DHX9: variants seen among roughly 807,000 people sequenced by gnomAD.
DHX9 encodes the protein DExH-box helicase 9, also known as ATP-dependent RNA helicase A.
DHX9 carries 27 observed loss-of-function variants against 148.7 expected under a neutral mutation model. That is an observed-to-expected ratio of 0.18 (90% CI 0.13 to 0.25). The LOEUF is 0.25. DHX9 is among the 10% of genes least tolerant of loss of function. DHX9 has a pLI of 1.00. For missense variants in DHX9, 796 were observed against 1,559.6 expected (o/e 0.51, Z 8.25); for synonymous variants, 529 against 516.6 (o/e 1.02, Z -0.33).
chr1:182,863,365 G>C (rs762751326), intron 12 of DHX9, among the ~76,000 whole-genome samples: 20 of 152,122 alleles, frequency 1.3e-4, no homozygotes, highest in African/African-American at 3.9e-4. Context: ...GATTTTACTA[G>C]TATTCTGAAG....
intron 19 of DHX9, 103 bp downstream of exon 19, chr1:182,877,006 C>A: frequency 1.4e-6 from 1 of 716,288 alleles, no homozygotes; most frequent in Non-Finnish European, 2.4e-6. Flanking sequence ...CTCCTGTGTT[C>A]TTAAATCTCC....
chr1:182,859,537 C>T (rs913147269), intron 11 of DHX9, among the ~76,000 whole-genome samples: 2 of 151,964 alleles, frequency 1.3e-5, no homozygotes, highest in Non-Finnish European at 2.9e-5. Context: ...TATACACATT[C>T]TTTTTTGAAA....
At position 182,856,564 on chromosome 1, in the gene DHX9, A is replaced by G; in HGVS notation, c.659A>G (p.Lys220Arg). 2 of 1,614,056 alleles carry G rather than the reference A, an allele frequency of 1.2e-6. No individual in the cohort carries two copies. The highest frequency in any genetic ancestry group is 1.7e-6 in the Non-Finnish European group (2 of 1,179,940). The change falls in exon 7 of 28, where the codon AAG (lysine) becomes AGG (arginine). Residue 220 changes from lysine (K) to arginine (R), a missense_variant. Coordinates refer to ENST00000367549, the MANE Select transcript of DHX9 (RefSeq NM_001357.5). ...ATTGCAGAAATGACCATTTATATCAAGCAGCTGGGCAGAAGTAAGTGTTAC... is the reference window on the plus strand; with the variant it reads ...ATTGCAGAAATGACCATTTATATCAGGCAGCTGGGCAGAAGTAAGTGTTAC... ...SFIAEMTIYI[K>R]QLGRRIFARE...
chr1:182,865,526 GT>G (rs1648256996), intron 12 of DHX9, among the ~76,000 whole-genome samples: 1 of 152,184 alleles, frequency 6.6e-6, no homozygotes, highest in Non-Finnish European at 1.5e-5. Flanking sequence ...TAAAAGGATT[GT>G]TTAGTAAAAA....
intron 21 of DHX9, 91 bp from the exon 22 acceptor site, chr1:182,880,405 TA>T: frequency 1.3e-6 from 1 of 777,598 alleles, no homozygotes; most frequent in Non-Finnish European, 2.1e-6. Context: ...AGAGGAACTC[TA>T]AACTGTCTTA....
At chr1:182,864,901 G>GC (rs1648221750) in intron 12 of DHX9, among the ~76,000 whole-genome samples, 1 of 152,104 alleles carries the variant, frequency 6.6e-6, no homozygotes, top group South Asian at 2.1e-4. Flanking sequence ...ACCATCTCCT[G>GC]CGCATATTCA....
chr1:182,845,241 C>T (rs562868712), intron 3 of DHX9, among the ~76,000 whole-genome samples: 1 of 152,208 alleles, frequency 6.6e-6, no homozygotes, highest in Non-Finnish European at 1.5e-5. Context: ...ATGTCTTTTA[C>T]ATGTTTGAAG....
At chr1:182,869,236 C>T (rs114721354) in intron 14 of DHX9, among the ~76,000 whole-genome samples, 327 of 152,296 alleles carry the variant, frequency 2.1e-3, no homozygotes, top group Non-Finnish European at 3.9e-3. Flanking sequence ...ACAGTGAAAC[C>T]TTGTCCGGTA....
chr1:182,877,779 C>G (rs1648880505), intron 19 of DHX9: 3 of 437,842 alleles, frequency 6.9e-6, no homozygotes, highest in Non-Finnish European at 1.2e-5. Context: ...TAATGGCATG[C>G]AAAGTTTGGC....
Position 182,883,510 on chromosome 1 carries a change from C to G in DHX9, c.3145-10C>G. On this transcript the variant is annotated splice_polypyrimidine_tract_variant and intron_variant, in intron 25 of 27. Coordinates refer to ENST00000367549, the MANE Select transcript of DHX9 (RefSeq NM_001357.5). ...CAACCATTTTGTATTGTCTCTTTCTCCATTTGCAGATTCGAACTCGAGCCA... is the reference window on the plus strand; with the variant it reads ...CAACCATTTTGTATTGTCTCTTTCTGCATTTGCAGATTCGAACTCGAGCCA... 1 of 1,611,106 alleles carries G rather than the reference C, an allele frequency of 6.2e-7. No individual in the cohort carries two copies. Among genetic ancestry groups the G allele is most frequent in the South Asian group, 1.1e-5 (1 of 91,020 alleles).
At chr1:182,844,820 G>T (rs929319506) in intron 3 of DHX9, among the ~76,000 whole-genome samples, 1 of 151,690 alleles carries the variant, frequency 6.6e-6, no homozygotes, top group Non-Finnish European at 1.5e-5. Flanking sequence ...CCTGGCCCAC[G>T]CCCAGCTAAT....
intron 16 of DHX9, among the ~76,000 whole-genome samples, chr1:182,875,707 C>CT (rs1398463363): frequency 3.9e-5 from 6 of 152,128 alleles, no homozygotes; most frequent in Admixed American, 1.3e-4. Context: ...TCTCAACTTG[C>CT]TTTATCATTG....
intron 3 of DHX9, among the ~76,000 whole-genome samples, chr1:182,846,184 T>G (rs1299334530): frequency 6.6e-6 from 1 of 151,746 alleles, no homozygotes; most frequent in African/African-American, 2.4e-5. Flanking sequence ...CTTAGGAGAT[T>G]ATAAGGATTT....
intron 1 of DHX9, among the ~76,000 whole-genome samples, chr1:182,841,950 T>G (rs1315563319): frequency 6.6e-6 from 1 of 152,232 alleles, no homozygotes; most frequent in Non-Finnish European, 1.5e-5. Flanking sequence ...TGAACTTTAT[T>G]ATATTATTAA....
chr1:182,854,708 G>C (rs896432065), intron 6 of DHX9, among the ~76,000 whole-genome samples: 1 of 152,184 alleles, frequency 6.6e-6, no homozygotes, highest in Non-Finnish European at 1.5e-5. Flanking sequence ...AAAAGGAACA[G>C]CCTTGGTCTT....
At chr1:182,841,278 G>A (rs1412598355) in intron 1 of DHX9, among the ~76,000 whole-genome samples, 1 of 150,892 alleles carries the variant, frequency 6.6e-6, no homozygotes, top group Non-Finnish European at 1.5e-5. Flanking sequence ...GCGACAGAAC[G>A]AGACTCCGTC....
intron 3 of DHX9, among the ~76,000 whole-genome samples, chr1:182,844,921 C>A (rs1261430394): frequency 6.6e-6 from 1 of 152,184 alleles, no homozygotes; most frequent in Non-Finnish European, 1.5e-5. Flanking sequence ...CTTCAGCCTC[C>A]CAAAGTGCTG....
Position 182,881,319 on chromosome 1 carries a change from A to G in DHX9, c.2680A>G (p.Ile894Val), listed in dbSNP as rs1049264. The change falls in exon 23 of 28, where the codon ATC becomes GTC. Residue 894 changes from isoleucine to valine, a missense_variant. By Grantham distance (29) the Ile-to-Val change is conservative (BLOSUM62 3). This residue lies in a region of DHX9 where 122 missense variants were observed against 289.3 expected (regional missense o/e 0.42). Coordinates refer to ENST00000367549, the MANE Select transcript of DHX9 (RefSeq NM_001357.5). Reference sequence around the variant, plus strand: ...TGCTACCTGCTTTCCAGAGCCTTTCATCAATGAAGGAAAGCGGCTGGGCTA... The same window carrying G: ...TGCTACCTGCTTTCCAGAGCCTTTCGTCAATGAAGGAAAGCGGCTGGGCTA... ...AAATCFPEPF[I>V]NEGKRLGYIH... The G allele has an allele frequency of 6.2e-7, 1 of 1,614,074 alleles. No homozygotes were observed. Among genetic ancestry groups the G allele is most frequent in the East Asian group, 2.2e-5 (1 of 44,898 alleles).
intron 5 of DHX9, 25 bp from the exon 6 acceptor site, chr1:182,854,005 A>G: frequency 1.9e-6 from 3 of 1,605,926 alleles, no homozygotes; most frequent in Non-Finnish European, 2.5e-6. Context: ...AACACAGCCA[A>G]ATTTAATTAT....
Sources: allele counts gnomAD v4.1 joint callset (sites outside exome capture counted in the v4.1 genomes callset), GRCh38; gene constraint gnomAD v4.1.1; regional missense constraint gnomAD v4.1.1; transcripts MANE v1.5; gene names NCBI Gene and HGNC (gene_info 2026-07-23, HGNC 2026-07-21).